The following LIPA variants were observed in gnomAD, a reference collection of about 807,000 sequenced individuals.
LIPA encodes the protein lipase A, lysosomal acid type.
LIPA carries 26 observed loss-of-function variants against 40.6 expected under a neutral mutation model. The observed-to-expected ratio is 0.64, with a 90% CI of 0.47 to 0.89. LIPA has a LOEUF of 0.89. LIPA is among the 40% of genes least tolerant of loss of function. The pLI, the probability that LIPA is intolerant of heterozygous loss-of-function variation, is 0.00. For missense variants in LIPA, 455 were observed against 479.6 expected, an observed-to-expected ratio of 0.95 and a Z score of 0.48; for synonymous variants, 188 against 168.4, an observed-to-expected ratio of 1.12 and a Z score of -0.90.
Position 89,306,567 on chromosome 10 carries a change from T to C in LIPA, c.-2+36044A>G, listed in dbSNP as rs775713124. The C allele has an allele frequency of 1.3e-5, 21 of 1,614,016 alleles. No homozygotes were observed. The African/African-American group carries it at 2.1e-4, about 16-fold the overall frequency. On this transcript the variant is annotated intron_variant, in intron 1 of 5. Coordinates refer to the LIPA transcript ENST00000282673. ...GACCCTCTGAGGCAAGCCATTCGGC[T>C]GAATCCTGACAACCAGTACCTTAAA... is the stretch of plus-strand genomic sequence containing the variant.
chr10:89,351,946 A>C (rs1464514075), intron 2 of LIPA, among the ~76,000 whole-genome samples: 1 of 152,152 alleles, frequency 6.6e-6, no homozygotes, highest in African/African-American at 2.4e-5. Flanking sequence ...CCTAAGCCCC[A>C]CAAGCAACTG....
Position 89,226,846 on chromosome 10 carries a change from T to A in LIPA, c.538+49A>T, listed in dbSNP as rs767911129. On this transcript the variant is annotated intron_variant, in intron 5 of 9. Coordinates refer to ENST00000336233, the MANE Select transcript of LIPA (RefSeq NM_000235.4). ...TTTCACTTTTAAGAAAAGTACAAACTCTGTAATGAAGAATTTATATCAACT... is the reference window on the plus strand; with the variant it reads ...TTTCACTTTTAAGAAAAGTACAAACACTGTAATGAAGAATTTATATCAACT... 10 of 1,096,200 alleles carry A rather than the reference T, an allele frequency of 9.1e-6. No individual in the cohort carries two copies. The South Asian group carries it at 1.0e-4, about 11-fold the overall frequency. The allele number at this position is 1,096,200 out of a possible 1,614,324, so 67.9% of individuals were successfully genotyped here.
chr10:89,335,875 T>G (rs1843730881), intron 1 of LIPA, among the ~76,000 whole-genome samples: 2 of 152,254 alleles, frequency 1.3e-5, no homozygotes, highest in Non-Finnish European at 2.9e-5. Flanking sequence ...TCAATTATCA[T>G]CGTTATAACT....
chr10:89,396,939 T>G (rs578006136), intron 2 of LIPA, among the ~76,000 whole-genome samples: 1 of 152,350 alleles, frequency 6.6e-6, no homozygotes, highest in African/African-American at 2.4e-5. Flanking sequence ...ATCTTTTTGT[T>G]GATGAGCTGT....
At chr10:89,374,795 C>T (rs1293728794) in intron 2 of LIPA, among the ~76,000 whole-genome samples, 1 of 152,166 alleles carries the variant, frequency 6.6e-6, no homozygotes, top group Non-Finnish European at 1.5e-5. Flanking sequence ...AATCTCTTCT[C>T]CCCCTACACA....
At chr10:89,345,255 G>A (rs1353682959), upstream of LIPA, among the ~76,000 whole-genome samples, 2 of 151,884 alleles carry the variant, frequency 1.3e-5, no homozygotes, top group African/African-American at 2.4e-5. Flanking sequence ...TAGGCCGGGC[G>A]CAGTGCCTCA....
chr10:89,261,752 G>C (rs1843210675), intron 1 of LIPA, among the ~76,000 whole-genome samples: 1 of 152,102 alleles, frequency 6.6e-6, no homozygotes. Context: ...ATTCTTCCTT[G>C]TTCAGACCTG....
rs1564781874 is a variant in LIPA at position 89,306,758 on chromosome 10, GA to G, written c.-2+35852del. The G allele has an allele frequency of 2.5e-6, 4 of 1,614,088 alleles. No homozygotes were observed. In the Admixed American group the frequency reaches 6.7e-5, roughly 27 times the overall value. On this transcript the variant is annotated intron_variant, in intron 1 of 5. Coordinates refer to the LIPA transcript ENST00000282673. ...AAAAGATGAGCCAGACAAAGCGATT[GA>G]ACTGCTTAAAAAGGCTTTAGAATAC...
intron 2 of LIPA, chr10:89,405,926 C>G (rs1428005326): frequency 6.6e-6 from 1 of 152,106 alleles, no homozygotes; most frequent in African/African-American, 2.4e-5. Context: ...ACAGAGCACC[C>G]CAAGAAAATC....
chr10:89,223,335 G>T (rs1842724917), intron 7 of LIPA, among the ~76,000 whole-genome samples: 2 of 151,872 alleles, frequency 1.3e-5, no homozygotes, highest in South Asian at 4.2e-4. Flanking sequence ...CTTCCTTTTG[G>T]AGTCCCCACT....
chr10:89,257,008 A>G (rs1843184951), intron 1 of LIPA, among the ~76,000 whole-genome samples: 1 of 152,256 alleles, frequency 6.6e-6, no homozygotes, highest in Non-Finnish European at 1.5e-5. Context: ...TACTATGTGC[A>G]TATTTAAAGA....
intron 2 of LIPA, among the ~76,000 whole-genome samples, chr10:89,353,180 G>A (rs150650495): frequency 2.9e-3 from 447 of 152,322 alleles, no homozygotes; most frequent in Admixed American, 3.8e-3. Context: ...CAATGCCAGG[G>A]AAGGGCCATC....
intron 1 of LIPA, among the ~76,000 whole-genome samples, chr10:89,330,599 T>G (rs1298730316): frequency 6.6e-6 from 1 of 152,160 alleles, no homozygotes; most frequent in Non-Finnish European, 1.5e-5. Context: ...GGGCATAATT[T>G]TCTATCATTT....
At chr10:89,249,089 C>T (rs1014540696) in intron 1 of LIPA, among the ~76,000 whole-genome samples, 1 of 152,222 alleles carries the variant, frequency 6.6e-6, no homozygotes, top group Admixed American at 6.5e-5. Flanking sequence ...ACTTATCTAA[C>T]CACTTCTGTT....
At chr10:89,223,998 C>T (rs932477312) in intron 6 of LIPA, among the ~76,000 whole-genome samples, 168 bp from the exon 7 acceptor site, 2 of 152,164 alleles carry the variant, frequency 1.3e-5, no homozygotes, top group African/African-American at 4.8e-5. Context: ...CACAAGTTTA[C>T]CAAAGCAAAA....
At chr10:89,263,776 G>T (rs1843221821) in intron 1 of LIPA, among the ~76,000 whole-genome samples, 1 of 152,240 alleles carries the variant, frequency 6.6e-6, no homozygotes, top group African/African-American at 2.4e-5. Flanking sequence ...TAACCAACCA[G>T]ATCCCACGCC....
At chr10:89,298,009 G>C (rs1353527493) in intron 1 of LIPA, among the ~76,000 whole-genome samples, 1 of 152,222 alleles carries the variant, frequency 6.6e-6, no homozygotes, top group Non-Finnish European at 1.5e-5. Context: ...CCTGAGAGCT[G>C]TGTGTCTGTG....
chr10:89,324,022 C>A (rs1267141437), intron 1 of LIPA, among the ~76,000 whole-genome samples: 1 of 152,176 alleles, frequency 6.6e-6, no homozygotes, highest in African/African-American at 2.4e-5. Context: ...TGACTTTGAA[C>A]TATACTATAA....
chr10:89,296,589 A>G (rs1289067603), intron 1 of LIPA, among the ~76,000 whole-genome samples: 1 of 152,140 alleles, frequency 6.6e-6, no homozygotes, highest in African/African-American at 2.4e-5. Context: ...CAACTGGGAC[A>G]GGCTTAGCTG....
Sources: allele counts gnomAD v4.1 joint callset (sites outside exome capture counted in the v4.1 genomes callset), GRCh38; gene constraint gnomAD v4.1.1; transcripts MANE v1.5; gene names NCBI Gene and HGNC (gene_info 2026-07-23, HGNC 2026-07-21).